STON1: variants seen among roughly 807,000 people sequenced by gnomAD.
STON1 encodes stonin 1, also known as stonin-1.
A neutral mutation model predicts 60.9 loss-of-function variants in STON1; 79 were observed. The observed-to-expected ratio is 1.30, with a 90% confidence interval of 1.08 to 1.56. STON1 has a LOEUF of 1.56. Ranked by LOEUF, STON1 falls within the 40% of genes most tolerant of loss-of-function variation. STON1 has a pLI of 0.00. For synonymous variants in STON1, 363 were observed against 306.9 expected (o/e 1.18, Z -1.91); for missense variants, 1,166 against 858.9 (o/e 1.36, Z -4.47).
intron 1 of STON1, among the ~76,000 whole-genome samples, chr2:48,576,569 A>C (rs1422158297): frequency 6.7e-6 from 1 of 148,724 alleles, no homozygotes; most frequent in Non-Finnish European, 1.5e-5. Flanking sequence ...ACCTCGTTGT[A>C]GTTTTGATTT....
intron 1 of STON1, among the ~76,000 whole-genome samples, chr2:48,567,273 A>C (rs182487950): frequency 1.1e-3 from 165 of 152,328 alleles, no homozygotes; most frequent in African/African-American, 3.6e-3. Context: ...GCCTGTGGGC[A>C]CTTCTCCCAT....
rs142769725 is a variant in STON1 at position 48,582,068 on chromosome 2, G to T, written c.1435G>T (p.Gly479Trp). Residue 479 changes from glycine to tryptophan, a missense_variant, in exon 2 of 4, where the codon GGG (glycine) becomes TGG (tryptophan). Physicochemically the swap from Gly to Trp is radical, Grantham distance 184. Transcript: ENST00000404752. ...TTATGAGAAGGACTCAGAAAAAAAG[G>T]GGATTGATATTCTTGACTACCATTT... ...SYYEKDSEKKGIDILDYHFHK... is the reference protein window; with the variant it reads ...SYYEKDSEKKWIDILDYHFHK... 1.2e-6 allele frequency: 2 copies of T among 1,614,142 alleles called. No individual in the cohort carries two copies. Among genetic ancestry groups the T allele is most frequent in the East Asian group, 4.5e-5 (2 of 44,888 alleles).
chr2:48,583,545 A>G (rs6710565), intron 2 of STON1, among the ~76,000 whole-genome samples: 94,385 of 151,740 alleles, frequency 0.62, 29,720 homozygotes, highest in Non-Finnish European at 0.65. Context: ...ATAGTAGTGG[A>G]CATAATATAA....
intron 2 of STON1, among the ~76,000 whole-genome samples, chr2:48,587,937 T>C (rs916283193): frequency 6.6e-6 from 1 of 152,130 alleles, no homozygotes; most frequent in Non-Finnish European, 1.5e-5. Context: ...TACAGGGCCC[T>C]GCCCCAAGCT....
At chr2:48,591,169 C>T (rs1674491685) in intron 2 of STON1, among the ~76,000 whole-genome samples, 1 of 149,934 alleles carries the variant, frequency 6.7e-6, no homozygotes, top group African/African-American at 2.4e-5. Flanking sequence ...TAAGTTTAAG[C>T]ATATTACTAT....
intron 2 of STON1, among the ~76,000 whole-genome samples, chr2:48,585,531 G>C (rs185570224): frequency 6.6e-6 from 1 of 152,300 alleles, no homozygotes; most frequent in Non-Finnish European, 1.5e-5. Context: ...TTAGAGGTTT[G>C]AGCCACCGTG....
At chr2:48,531,566 G>T (rs1038702921) in intron 1 of STON1, 1 of 152,260 alleles carries the variant, frequency 6.6e-6, no homozygotes, top group Non-Finnish European at 1.5e-5. Flanking sequence ...GACAGATCAA[G>T]TCTGGAGTCT....
intron 2 of STON1, among the ~76,000 whole-genome samples, chr2:48,584,646 G>A (rs765008557): frequency 4.0e-5 from 6 of 151,184 alleles, no homozygotes; most frequent in Middle Eastern, 3.2e-3. Flanking sequence ...TAATTAAATC[G>A]GAATCTCTGG....
rs1217369401 is a variant in STON1, at chr2:48,582,424, G to A, written c.1791G>A (p.Met597Ile). ...GGCAGAAGTCTCTGAAAGCTAAAAT[G>A]AACCGCCGAGCATGTCTGGGGAGTT... ...LQRQKSLKAK[M>I]NRRACLGSLQ... Residue 597 changes from methionine to isoleucine, a missense_variant, in exon 2 of 4, where the codon ATG becomes ATA. Transcript: ENST00000404752. 1 of 1,614,034 alleles carries A rather than the reference G, an allele frequency of 6.2e-7. No individual in the cohort carries two copies. Among genetic ancestry groups the A allele is most frequent in the African/African-American group, 1.3e-5 (1 of 74,914 alleles).
intron 1 of STON1, among the ~76,000 whole-genome samples, chr2:48,558,599 G>A (rs2103818423): frequency 6.6e-6 from 1 of 152,326 alleles, no homozygotes; most frequent in East Asian, 1.9e-4. Context: ...TCTGCTTACT[G>A]GGGTGAATAA....
chr2:48,561,384 G>T (rs986435267), intron 1 of STON1, among the ~76,000 whole-genome samples: 1 of 152,162 alleles, frequency 6.6e-6, no homozygotes, highest in Non-Finnish European at 1.5e-5. Context: ...CATCTCGGAA[G>T]TCAGTATACT....
chr2:48,537,857 A>G (rs905946785), intron 1 of STON1, among the ~76,000 whole-genome samples: 14 of 151,930 alleles, frequency 9.2e-5, no homozygotes, highest in Middle Eastern at 3.4e-3. Context: ...CTCAAAAAAA[A>G]AAAAAGAAAA....
chr2:48,570,232 G>T (rs1673134174), intron 1 of STON1, among the ~76,000 whole-genome samples: 1 of 152,200 alleles, frequency 6.6e-6, no homozygotes, highest in Admixed American at 6.5e-5. Flanking sequence ...CTACTCGGGA[G>T]CCTGAGGCAG....
At chr2:48,559,755 T>A (rs1161985566) in intron 1 of STON1, among the ~76,000 whole-genome samples, 1 of 152,206 alleles carries the variant, frequency 6.6e-6, no homozygotes, top group East Asian at 1.9e-4. Flanking sequence ...ATCAGACCTC[T>A]GCAGTTTCCA....
intron 1 of STON1, among the ~76,000 whole-genome samples, chr2:48,532,607 C>G (rs6717383): frequency 0.96 from 145,704 of 152,286 alleles, 69,801 homozygotes; most frequent in East Asian, 1. Flanking sequence ...ATACTGTTTA[C>G]AGAAAAGTTG....
chr2:48,561,653 G>A (rs990227495), intron 1 of STON1, among the ~76,000 whole-genome samples: 7 of 152,132 alleles, frequency 4.6e-5, no homozygotes, highest in African/African-American at 1.7e-4. Flanking sequence ...CTTACTAGAC[G>A]CTAGTAGCAT....
In STON1 at chr2:48,561,955, G is replaced by A. The variant is rs559608075; in HGVS notation, c.-47-18632G>A. Among the ~76,000 whole-genome samples, 41 of 152,276 alleles carry A rather than the reference G, an allele frequency of 2.7e-4. No individual in the cohort carries two copies. In the East Asian group the frequency reaches 3.5e-3, roughly 13 times the overall value. On this transcript the variant is annotated intron_variant, in intron 1 of 3. Coordinates refer to ENST00000404752, the MANE Select transcript of STON1 (RefSeq NM_006873.4). Reference sequence around the variant, plus strand: ...AGCTCATTGCAACCTCTGCCTCCCCGGTTCAAGTGATTCTCGTGCCTCAGC... The same window carrying A: ...AGCTCATTGCAACCTCTGCCTCCCCAGTTCAAGTGATTCTCGTGCCTCAGC...
intron 1 of STON1, among the ~76,000 whole-genome samples, chr2:48,562,706 G>T (rs1017957775): frequency 8.5e-5 from 13 of 152,204 alleles, no homozygotes; most frequent in Admixed American, 7.9e-4. Context: ...GCTGTGGCTA[G>T]AGCACAGAAG....
intron 1 of STON1, among the ~76,000 whole-genome samples, chr2:48,541,206 C>T (rs527570765): frequency 8.0e-5 from 12 of 150,868 alleles, no homozygotes; most frequent in African/African-American, 2.7e-4. Context: ...CAAAAATTAG[C>T]TGGGCATGGT....
Sources: allele counts gnomAD v4.1 joint callset (sites outside exome capture counted in the v4.1 genomes callset), GRCh38; gene constraint gnomAD v4.1.1; transcripts MANE v1.5; gene names NCBI Gene and HGNC (gene_info 2026-07-23, HGNC 2026-07-21).